MGAT5: variants seen among roughly 807,000 people sequenced by gnomAD.
MGAT5 encodes alpha-1,6-mannosylglycoprotein 6-beta-N-acetylglucosaminyltransferase A.
In MGAT5, 30 loss-of-function variants were observed where a neutral mutation model predicts 94.3. That is an observed-to-expected ratio of 0.32 (90% CI 0.24 to 0.43). The LOEUF is 0.43. MGAT5 is among the 20% of genes least tolerant of loss of function. The pLI, the probability that MGAT5 is intolerant of heterozygous loss-of-function variation, is 1.00. For missense variants in MGAT5, 691 were observed against 905.5 expected (o/e 0.76, Z 3.04); for synonymous variants, 310 against 322.9 (o/e 0.96, Z 0.43).
At chr2:134,202,379 A>G (rs1001188154) in intron 1 of MGAT5, among the ~76,000 whole-genome samples, 32 of 152,248 alleles carry the variant, frequency 2.1e-4, no homozygotes, top group Non-Finnish European at 2.2e-4. Context: ...CCATTTGAGT[A>G]CACAGCTAGA....
At chr2:134,199,917 G>A (rs1324158898) in intron 1 of MGAT5, among the ~76,000 whole-genome samples, 1 of 152,068 alleles carries the variant, frequency 6.6e-6, no homozygotes, top group Non-Finnish European at 1.5e-5. Flanking sequence ...GAATGAACAT[G>A]CTTCTTGCCT....
At chr2:134,166,413 G>A (rs1331806219) in intron 1 of MGAT5, among the ~76,000 whole-genome samples, 1 of 152,218 alleles carries the variant, frequency 6.6e-6, no homozygotes, top group Non-Finnish European at 1.5e-5. Flanking sequence ...AACATTCTGG[G>A]TTTCTGGGCA....
rs1399203387 is a variant in MGAT5 at position 134,189,606 on chromosome 2, T to TGTTTTGTTTTTTG, written c.-142-64656_-142-64655insGTTTTGTTTTTTG. On this transcript the variant is annotated intron_variant, in intron 1 of 16. Coordinates refer to the MGAT5 transcript ENST00000409645. ...TCATGGCTCTAGTTTTTTTTTGTTT[T>TGTTTTGTTTTTTG]TTTTTTTTTTTTTTAAGACAGAGTC... 2.9e-4 allele frequency among the ~76,000 whole-genome samples: 31 copies of TGTTTTGTTTTTTG among 108,596 alleles called. 1 individual carries two copies. Among genetic ancestry groups the TGTTTTGTTTTTTG allele is most frequent in the East Asian group, 1.1e-3 (4 of 3,596 alleles). The allele number at this position is 108,596 out of a possible 152,430, so 71.2% of individuals were successfully genotyped here. A position where few individuals can be genotyped will look rare whatever the true frequency, so the allele number is the denominator to read the frequency against.
chr2:134,156,742 C>T (rs1004884133), intron 1 of MGAT5, among the ~76,000 whole-genome samples: 8 of 152,152 alleles, frequency 5.3e-5, no homozygotes, highest in African/African-American at 1.9e-4. Context: ...GGGCTGTGAT[C>T]CCCTCCCTCC....
chr2:134,177,147 G>GTGTA (rs1427934289), intron 1 of MGAT5, among the ~76,000 whole-genome samples: 1 of 150,044 alleles, frequency 6.7e-6, no homozygotes, highest in African/African-American at 2.5e-5. Flanking sequence ...ATGAACCCGT[G>GTGTA]TGTGTGTGTG....
intron 2 of MGAT5, among the ~76,000 whole-genome samples, chr2:134,271,874 C>T (rs1376596925): frequency 6.6e-6 from 1 of 152,184 alleles, no homozygotes; most frequent in Non-Finnish European, 1.5e-5. Flanking sequence ...CATGCCTCTT[C>T]AGTCTCCACT....
At chr2:134,351,878 A>G (rs1026071784) in intron 9 of MGAT5, among the ~76,000 whole-genome samples, 3 of 152,222 alleles carry the variant, frequency 2.0e-5, no homozygotes, top group African/African-American at 7.2e-5. Flanking sequence ...CCATGTTCCA[A>G]CGGAAAAATG....
intron 14 of MGAT5, among the ~76,000 whole-genome samples, chr2:134,441,021 T>A (rs780836346): frequency 5.9e-5 from 9 of 152,236 alleles, no homozygotes; most frequent in Non-Finnish European, 1.2e-4. Context: ...CATAGGAACT[T>A]AACTCTTGTT....
At chr2:134,292,829 C>A (rs911882718) in intron 2 of MGAT5, among the ~76,000 whole-genome samples, 1 of 152,170 alleles carries the variant, frequency 6.6e-6, no homozygotes, top group Non-Finnish European at 1.5e-5. Context: ...TTTATCAAAG[C>A]GTGTTATGTG....
intron 10 of MGAT5, among the ~76,000 whole-genome samples, chr2:134,397,267 G>A (rs1333646627): frequency 1.3e-5 from 2 of 152,228 alleles, no homozygotes; most frequent in Admixed American, 6.5e-5. Context: ...AGGAAGCAGG[G>A]CCTGAGACAA....
chr2:134,165,700 G>A (rs1201238520), intron 1 of MGAT5, among the ~76,000 whole-genome samples: 17 of 152,074 alleles, frequency 1.1e-4, no homozygotes, highest in Non-Finnish European at 1.0e-4. Context: ...GCGTGAACCC[G>A]GGAGGCGGAG....
intron 1 of MGAT5, among the ~76,000 whole-genome samples, chr2:134,220,719 C>T (rs567664094): frequency 1.3e-5 from 2 of 152,280 alleles, no homozygotes; most frequent in East Asian, 1.9e-4. Flanking sequence ...CCTCCTCACC[C>T]TCCTCTTTCC....
intron 4 of MGAT5, among the ~76,000 whole-genome samples, chr2:134,330,874 C>A (rs1479411974): frequency 6.6e-6 from 1 of 152,028 alleles, no homozygotes; most frequent in East Asian, 1.9e-4. Context: ...AAAGAAAAAG[C>A]CATAACACAG....
intron 12 of MGAT5, among the ~76,000 whole-genome samples, chr2:134,421,949 T>A (rs868484570): frequency 6.6e-6 from 1 of 151,646 alleles, no homozygotes; most frequent in South Asian, 2.1e-4. Flanking sequence ...AGGAGAATCA[T>A]TTGAGGCCAG....
At chr2:134,368,756 G>A (rs896472395) in intron 10 of MGAT5, among the ~76,000 whole-genome samples, 1 of 152,108 alleles carries the variant, frequency 6.6e-6, no homozygotes, top group South Asian at 2.1e-4. Context: ...GTGTTTTAGC[G>A]AGGCTCTCTG....
chr2:134,405,331 A>G (rs1246943573), intron 11 of MGAT5, among the ~76,000 whole-genome samples: 7 of 152,154 alleles, frequency 4.6e-5, no homozygotes, highest in Non-Finnish European at 1.0e-4. Flanking sequence ...CCCATTACCT[A>G]TTGCCTGCTC....
intron 2 of MGAT5, among the ~76,000 whole-genome samples, chr2:134,300,507 C>T (rs1685949965): frequency 6.6e-6 from 1 of 152,122 alleles, no homozygotes; most frequent in African/African-American, 2.4e-5. Context: ...ACACTATACA[C>T]AATTAACTAG....
chr2:134,228,718 G>A (rs1467637446), intron 1 of MGAT5, among the ~76,000 whole-genome samples: 2 of 152,194 alleles, frequency 1.3e-5, no homozygotes. Context: ...CTTTTATGAT[G>A]TGTGGTGGCC....
intron 13 of MGAT5, among the ~76,000 whole-genome samples, chr2:134,425,852 G>A (rs1251936358): frequency 6.6e-6 from 1 of 151,858 alleles, no homozygotes; most frequent in Non-Finnish European, 1.5e-5. Flanking sequence ...AGTGCAATCT[G>A]TAGGCATCCT....
Sources: gnomAD v4.1 joint callset for allele counts (sites outside exome capture counted in the v4.1 genomes callset) on GRCh38, gnomAD v4.1.1 for gene constraint, MANE v1.5 for transcripts, NCBI Gene and HGNC (gene_info 2026-07-23, HGNC 2026-07-21) for gene names.